The following RNF213 variants were observed in gnomAD, a reference collection of about 807,000 sequenced individuals.
The protein encoded by RNF213 is ring finger protein 213, also known as E3 ubiquitin-protein ligase RNF213.
RNF213 carries 341 observed loss-of-function variants against 514.4 expected under a neutral mutation model. That is an observed-to-expected ratio of 0.66 (90% CI 0.61 to 0.73). The LOEUF (loss-of-function observed/expected upper bound fraction) is 0.73, where lower values mean the gene tolerates loss of function less well. RNF213 is among the 30% of genes least tolerant of loss of function. RNF213 has a pLI of 0.00. For synonymous variants in RNF213, 2,655 were observed against 2,658.2 expected (o/e 1.00, Z 0.04); for missense variants, 5,767 against 6,615.6 (o/e 0.87, Z 4.45).
Position 80,349,949 on chromosome 17 carries a change from C to T in RNF213, c.10088+43C>T, listed in dbSNP as rs370379930. ...CCCTGCTGCCCTCTCCCTCCCCAGCCGCAGCCGTGTGGCTTCTGCGTGGCG... is the reference window on the plus strand; with the variant it reads ...CCCTGCTGCCCTCTCCCTCCCCAGCTGCAGCCGTGTGGCTTCTGCGTGGCG... On this transcript the variant is annotated intron_variant, in intron 30 of 67. Coordinates refer to ENST00000582970, the MANE Select transcript of RNF213 (RefSeq NM_001256071.3). 3.5e-4 allele frequency: 567 copies of T among 1,611,728 alleles called. 1 individual carries two copies. Among genetic ancestry groups the T allele is most frequent in the Non-Finnish European group, 4.4e-4 (524 of 1,179,328 alleles).
At chr17:80,372,113 G>A (rs927581581) in intron 47 of RNF213, 128 bp downstream of exon 47, 4 of 705,902 alleles carry the variant, frequency 5.7e-6, no homozygotes, top group South Asian at 1.6e-5. Context: ...AAAGAAGAAA[G>A]GTTTCAAAGA....
chr17:80,372,952 C>A (rs1253121961), intron 48 of RNF213, 23 bp from the exon 49 acceptor site: 4 of 1,609,536 alleles, frequency 2.5e-6, no homozygotes, highest in Non-Finnish European at 3.4e-6. Flanking sequence ...AGCCACTCAC[C>A]CGCTTTCTCG....
intron 17 of RNF213, among the ~76,000 whole-genome samples, chr17:80,322,119 T>A (rs1035356479): frequency 2.0e-5 from 3 of 150,742 alleles, no homozygotes; most frequent in Admixed American, 6.6e-5. Context: ...TTTGGAGAAA[T>A]GTTTATTGAG....
chr17:80,366,040 C>T (rs937593632), intron 42 of RNF213, among the ~76,000 whole-genome samples: 5 of 152,212 alleles, frequency 3.3e-5, no homozygotes, highest in South Asian at 2.1e-4. Context: ...GACCTTACCT[C>T]GTTAGTTTTC....
At chr17:80,379,548 T>C (rs912028407) in intron 54 of RNF213, 72 bp from the exon 55 acceptor site, 2 of 1,375,564 alleles carry the variant, frequency 1.5e-6, no homozygotes, top group Non-Finnish European at 2.1e-6. Flanking sequence ...GAGGTGTTCA[T>C]TTGCATGATG....
rs778687928 is a variant in RNF213, at chr17:80,386,908, C to T, written c.14922+17C>T. ...AGCCTCAAGGTAGGGCTGACTCCTG[C>T]CACTGCTGCTCATTTGGTGTGTCTG... On this transcript the variant is annotated intron_variant, in intron 63 of 67. Transcript: ENST00000582970. 4.4e-6 allele frequency: 7 copies of T among 1,600,832 alleles called. No homozygotes were observed. The African/African-American group carries it at 8.0e-5, about 18-fold the overall frequency.
At chr17:80,267,423 C>A (rs2043645562) in intron 2 of RNF213, among the ~76,000 whole-genome samples, 1 of 152,002 alleles carries the variant, frequency 6.6e-6, no homozygotes, top group Non-Finnish European at 1.5e-5. Context: ...AGCCTGGCGA[C>A]AGAGCGAGAC....
In RNF213 at chr17:80,377,414, G is replaced by T. The variant is rs2079804045; in HGVS notation, c.13511-348G>T. 6.7e-6 allele frequency among the ~76,000 whole-genome samples: 1 copy of T among 148,268 alleles called. No homozygotes were observed. On this transcript the variant is annotated intron_variant, in intron 53 of 67. Coordinates refer to ENST00000582970, the MANE Select transcript of RNF213 (RefSeq NM_001256071.3). This position sits in a 1 kb window ranked among gnomAD's most constrained non-coding sequence, Gnocchi z 4.1. Reference sequence around the variant, plus strand: ...AAATATTTTAAAACTAGTTTTTAAAGTTGTTATAAAATATGCTCATGACAA... The same window carrying T: ...AAATATTTTAAAACTAGTTTTTAAATTTGTTATAAAATATGCTCATGACAA...
Position 80,273,290 on chromosome 17 carries a change from G to A in RNF213, c.147G>A (p.Met49Ile). ...TGGCGTCGGCCTCGGAGGGTGAAAT[G>A]GAGTGTGGGCAGGAGCTGAAGGAGG... is the stretch of plus-strand genomic sequence containing the variant. ...STMASASEGEMECGQELKEEG... is the reference protein window; with the variant it reads ...STMASASEGEIECGQELKEEG... Residue 49 changes from methionine (M) to isoleucine (I), a missense_variant, in exon 3 of 68, where the codon ATG becomes ATA. Transcript: ENST00000582970. 1 of 1,613,732 alleles carries A rather than the reference G, an allele frequency of 6.2e-7. No homozygotes were observed. The highest frequency in any genetic ancestry group is 8.5e-7 in the Non-Finnish European group (1 of 1,180,024).
chr17:80,357,916 T>C (rs945983937), intron 36 of RNF213, among the ~76,000 whole-genome samples: 2 of 152,192 alleles, frequency 1.3e-5, no homozygotes, highest in Non-Finnish European at 2.9e-5. Context: ...TGAGCCCAGG[T>C]ATTCCAGGTT....
rs553231217 is a variant in RNF213, at chr17:80,365,860, T to C, written c.11871+1307T>C. Among the ~76,000 whole-genome samples the C allele has an allele frequency of 7.9e-5, 12 of 152,276 alleles. No homozygotes were observed. The South Asian group carries it at 2.1e-3, about 26-fold the overall frequency. ...GTGGGTCATAAGGGCCAGGTGCCCA[T>C]AAACCCAAAGGTAAAGGAGCTGGCC... On this transcript the variant is annotated intron_variant, in intron 42 of 67. Transcript: ENST00000582970.
At chr17:80,307,561 T>G (rs1409889291) in intron 13 of RNF213, among the ~76,000 whole-genome samples, 2 of 150,110 alleles carry the variant, frequency 1.3e-5, no homozygotes, top group Non-Finnish European at 3.0e-5. Context: ...GTTTGTTTGT[T>G]TTTTTGAGAT....
intron 35 of RNF213, 21 bp downstream of exon 35, chr17:80,354,187 C>G (rs2078642758): frequency 1.2e-6 from 2 of 1,611,894 alleles, no homozygotes; most frequent in Non-Finnish European, 1.7e-6. Flanking sequence ...CCCCACCCCT[C>G]TTGCCCCTGC....
At chr17:80,389,649 C>T (rs895825679) in intron 65 of RNF213, among the ~76,000 whole-genome samples, 179 bp from the exon 66 acceptor site, 2 of 152,150 alleles carry the variant, frequency 1.3e-5, no homozygotes, top group Non-Finnish European at 2.9e-5. Flanking sequence ...TGTGAGGTGC[C>T]GCAGGAGGGA....
At chr17:80,336,520 T>A (rs1345684686) in intron 23 of RNF213, 142 bp downstream of exon 23, 7 of 782,176 alleles carry the variant, frequency 8.9e-6, no homozygotes, top group Non-Finnish European at 6.5e-6. Context: ...AAAAAGCTTT[T>A]CTTCATAAAT....
At chr17:80,385,495 G>T (rs370465548) in intron 60 of RNF213, 43 bp from the exon 61 acceptor site, 1 of 1,574,216 alleles carries the variant, frequency 6.4e-7, no homozygotes, top group African/African-American at 1.3e-5. Context: ...CCCTTTCAGG[G>T]GGTTGCTATC....
chr17:80,372,998 T>C lies in RNF213; in HGVS notation c.12775T>C (p.Tyr4259His). Reference sequence around the variant, plus strand: ...AGAGATGGCCAAGGAGAAGCAGTGCTACCTGCAGCAAGTCAAGCAGTTCTG... The same window carrying C: ...AGAGATGGCCAAGGAGAAGCAGTGCCACCTGCAGCAAGTCAAGCAGTTCTG... ...GPEMAKEKQC[Y>H]LQQVKQFCIR... Residue 4259 changes from tyrosine (Y) to histidine (H), a missense_variant, in exon 49 of 68, where the codon TAC (tyrosine) becomes CAC (histidine). Around this residue, in one of 13 missense-constraint regions of RNF213, gnomAD observed 1,245 missense variants for 1,339.0 expected, o/e 0.93. Transcript: ENST00000582970. The C allele has an allele frequency of 6.2e-7, 1 of 1,613,956 alleles. No individual in the cohort carries two copies. Among genetic ancestry groups the C allele is most frequent in the Non-Finnish European group, 8.5e-7 (1 of 1,179,972 alleles).
At chr17:80,367,706 C>T in intron 42 of RNF213, 42 bp from the exon 43 acceptor site, 1 of 1,553,078 alleles carries the variant, frequency 6.4e-7, no homozygotes. Flanking sequence ...CCGCCCTCAG[C>T]CCTCCCCCCT....
chr17:80,362,993 G>A lies in RNF213; in HGVS notation c.11356-109G>A, dbSNP rs945373555. 17 of 1,058,100 alleles carry A rather than the reference G, an allele frequency of 1.6e-5. No homozygotes were observed. In the South Asian group the frequency reaches 1.8e-4, roughly 11 times the overall value. The allele number at this position is 1,058,100 out of a possible 1,614,324, so 65.5% of individuals were successfully genotyped here. ...CAAACGGGACAGAATAGCACACATG[G>A]TTTCTAATTTCCTCTTTTATGGTTT... On this transcript the variant is annotated intron_variant, in intron 39 of 67. Coordinates refer to ENST00000582970, the MANE Select transcript of RNF213 (RefSeq NM_001256071.3).
Sources: gnomAD v4.1 joint callset for allele counts (sites outside exome capture counted in the v4.1 genomes callset) on GRCh38, gnomAD v4.1.1 for gene constraint, gnomAD v4.1.1 regional missense constraint, Gnocchi (gnomAD v3.1) non-coding constraint, MANE v1.5 for transcripts, NCBI Gene and HGNC (gene_info 2026-07-23, HGNC 2026-07-21) for gene names.